The following SBF2 variants were observed in gnomAD, a reference collection of about 807,000 sequenced individuals.
SBF2 encodes the protein SET binding factor 2.
A neutral mutation model predicts 225.2 loss-of-function variants in SBF2; 112 were observed. The observed-to-expected ratio is 0.50, with a 90% CI of 0.43 to 0.58. SBF2 has a LOEUF of 0.58. Among genes scored for constraint, SBF2 ranks in the 20% least tolerant of loss-of-function variants. The pLI is 0.00. For synonymous variants in SBF2, 763 were observed against 773.3 expected (o/e 0.99, Z 0.22); for missense variants, 1,996 against 2,206.2 (o/e 0.90, Z 1.91).
chr11:10,194,709 C>T (rs1333999724), intron 1 of SBF2, among the ~76,000 whole-genome samples: 2 of 152,154 alleles, frequency 1.3e-5, no homozygotes, highest in Non-Finnish European at 2.9e-5. Flanking sequence ...TGGGGTTTCA[C>T]TATGTTGGCC....
In SBF2 at chr11:9,994,193, G is replaced by A. The variant is rs537420042; in HGVS notation, c.976-195C>T. Reference sequence around the variant, plus strand: ...CAAAATATTCAGTTGAAACATGTTCGGCCGGGCGCGGTGGCTCACGCCTGT... The same window carrying A: ...CAAAATATTCAGTTGAAACATGTTCAGCCGGGCGCGGTGGCTCACGCCTGT... On this transcript the variant is annotated intron_variant, in intron 9 of 39. Transcript: ENST00000256190. Among the ~76,000 whole-genome samples, 581 of 152,212 alleles carry A rather than the reference G, an allele frequency of 3.8e-3. 4 individuals carry two copies. The highest frequency in any genetic ancestry group is 5.6e-3 in the South Asian group (27 of 4,818).
At chr11:9,841,463 C>T (rs892393508) in intron 25 of SBF2, among the ~76,000 whole-genome samples, 18 of 151,984 alleles carry the variant, frequency 1.2e-4, no homozygotes, top group African/African-American at 4.1e-4. Flanking sequence ...TTTTCATTGC[C>T]CCAAAGGCAA....
chr11:9,878,010 C>A (rs1316971814), intron 17 of SBF2, among the ~76,000 whole-genome samples: 1 of 152,204 alleles, frequency 6.6e-6, no homozygotes, highest in East Asian at 1.9e-4. Context: ...TACACTCCCA[C>A]CAACAGTGTA....
intron 2 of SBF2, among the ~76,000 whole-genome samples, chr11:10,160,751 C>G (rs1387112804): frequency 6.6e-6 from 1 of 152,192 alleles, no homozygotes; most frequent in African/African-American, 2.4e-5. Flanking sequence ...TCCTGCCACA[C>G]CCCATACCCT....
At chr11:10,297,481 G>A (rs1964559111), upstream of SBF2, among the ~76,000 whole-genome samples, 1 of 152,216 alleles carries the variant, frequency 6.6e-6, no homozygotes, top group Non-Finnish European at 1.5e-5. Context: ...TATTAAAGGT[G>A]AGATGAAGAT....
At chr11:9,785,851 C>CA (rs1417549343) in intron 36 of SBF2, among the ~76,000 whole-genome samples, 2 of 135,758 alleles carry the variant, frequency 1.5e-5, no homozygotes, top group South Asian at 2.5e-4. Context: ...GACACTATCT[C>CA]AAAAAAAATA....
intron 16 of SBF2, among the ~76,000 whole-genome samples, chr11:9,915,300 A>G (rs1344755390): frequency 2.6e-5 from 4 of 152,094 alleles, no homozygotes; most frequent in Non-Finnish European, 5.9e-5. Flanking sequence ...TACAAAAATT[A>G]GCTGGGCGTG....
In SBF2 at chr11:9,790,458, T is replaced by G. The variant is rs796164091; in HGVS notation, c.4698+98A>C. 1.0e-5 allele frequency: 11 copies of G among 1,060,016 alleles called. No homozygotes were observed. The African/African-American group carries it at 1.8e-4, about 17-fold the overall frequency. The allele number at this position is 1,060,016 out of a possible 1,614,324, so 65.7% of individuals were successfully genotyped here. ...CTTTTTGGTATGAAACCTAGTCCAA[T>G]GTTTATAAAAAGCTTAAACTGCTTA... On this transcript the variant is annotated intron_variant, in intron 34 of 39. Coordinates refer to ENST00000256190, the MANE Select transcript of SBF2 (RefSeq NM_030962.4).
chr11:10,086,218 C>A (rs1951559539), intron 2 of SBF2, among the ~76,000 whole-genome samples: 1 of 151,966 alleles, frequency 6.6e-6, no homozygotes, highest in Admixed American at 6.6e-5. Flanking sequence ...CTCGGCCCTG[C>A]CTTTTTTATC....
At chr11:9,916,289 A>G (rs17356237) in intron 16 of SBF2, among the ~76,000 whole-genome samples, 28,293 of 152,168 alleles carry the variant, frequency 0.19, 3,010 homozygotes, top group Non-Finnish European at 0.23. Flanking sequence ...CAAGAAAAAT[A>G]TCCTGAAATG....
intron 15 of SBF2, among the ~76,000 whole-genome samples, 157 bp downstream of exon 15, chr11:9,963,616 A>G (rs980595759): frequency 6.6e-6 from 1 of 152,256 alleles, no homozygotes; most frequent in Admixed American, 6.5e-5. Flanking sequence ...ACAGCTTTAA[A>G]TCTTAGACAC....
intron 3 of SBF2, among the ~76,000 whole-genome samples, chr11:10,035,388 G>A (rs1314742937): frequency 6.6e-6 from 1 of 152,064 alleles, no homozygotes; most frequent in Non-Finnish European, 1.5e-5. Flanking sequence ...CAAAAGCAAT[G>A]GCAACAAAAG....
chr11:10,294,018 G>A lies in SBF2; in HGVS notation c.52C>T (p.Pro18Ser). 7.1e-7 allele frequency: 1 copy of A among 1,401,602 alleles called. No homozygotes were observed. The highest frequency in any genetic ancestry group is 3.1e-5 in the East Asian group (1 of 31,820). The allele number at this position is 1,401,602 out of a possible 1,614,324, so 86.8% of individuals were successfully genotyped here. A position where few individuals can be genotyped will look rare whatever the true frequency, so the allele number is the denominator to read the frequency against. ...CGGTGCCGCCCCACACCCTTACCTG[G>A]CTTCTCGTGGTCATAGCCTACCACG... is the stretch of plus-strand genomic sequence containing the variant. ...FIVVGYDHEKPGSGEGLGKII... is the reference protein window; with the variant it reads ...FIVVGYDHEKSGSGEGLGKII... Residue 18 changes from proline (P) to serine (S), a missense_variant, in exon 1 of 40, where the codon CCA (proline) becomes TCA (serine). Coordinates refer to ENST00000256190, the MANE Select transcript of SBF2 (RefSeq NM_030962.4).
At chr11:10,207,240 C>G (rs896817250) in intron 1 of SBF2, among the ~76,000 whole-genome samples, 2 of 151,910 alleles carry the variant, frequency 1.3e-5, no homozygotes, top group Admixed American at 6.6e-5. Context: ...CTATTTCCCA[C>G]GAAACTACCC....
In SBF2 at chr11:9,842,683, C is replaced by T. The variant is rs150130142; in HGVS notation, c.3198G>A (p.Gly1066=). The T allele has an allele frequency of 3.1e-6, 5 of 1,613,994 alleles. No homozygotes were observed. Among genetic ancestry groups the T allele is most frequent in the Admixed American group, 1.7e-5 (1 of 60,004 alleles). The stretch of plus-strand genomic sequence containing the variant: ...GATTTACTCTTTCTTCCACAATTGT[C>T]CCTGTCTTCTTCTTCAGTAAATATT... ...GRQYLLKKKT[G]TIVEERVNRP... is the part of the protein sequence containing the mutation. Residue 1066 remains glycine, a synonymous_variant, in exon 25 of 40, where the codon GGG becomes GGA. Coordinates refer to ENST00000256190, the MANE Select transcript of SBF2 (RefSeq NM_030962.4).
chr11:10,018,453 T>A (rs1948728653), intron 6 of SBF2, among the ~76,000 whole-genome samples: 1 of 152,182 alleles, frequency 6.6e-6, no homozygotes, highest in Non-Finnish European at 1.5e-5. Flanking sequence ...TATAAAAATA[T>A]TAACCACTAA....
rs774774054 is a variant in SBF2, at chr11:9,839,680, C to T, written c.3273G>A (p.Glu1091=). The part of the protein sequence containing the change: ...DDDVSVSDES[E]LPTSTTLKAS... ...CCTTCAGGGTGGTACTTGTGGGGAGCTCACTCTCATCTGAAACTGTGATGG... is the reference window on the plus strand; with the variant it reads ...CCTTCAGGGTGGTACTTGTGGGGAGTTCACTCTCATCTGAAACTGTGATGG... The change falls in exon 26 of 40, where the codon GAG becomes GAA. Residue 1091 remains glutamate, a synonymous_variant. Coordinates refer to ENST00000256190, the MANE Select transcript of SBF2 (RefSeq NM_030962.4). The T allele has an allele frequency of 1.9e-6, 3 of 1,613,254 alleles. No homozygotes were observed. The highest frequency in any genetic ancestry group is 2.5e-6 in the Non-Finnish European group (3 of 1,179,558).
intron 16 of SBF2, among the ~76,000 whole-genome samples, chr11:9,941,261 G>T (rs983379545): frequency 2.0e-5 from 3 of 152,166 alleles, no homozygotes; most frequent in African/African-American, 7.2e-5. Flanking sequence ...GCTGCAGTAA[G>T]CTATGATTCC....
Position 9,937,757 on chromosome 11 carries a change from G to A in SBF2, c.1860+24200C>T, listed in dbSNP as rs956599011. ...AAAACTGAAATTAATAAGAGAATTC[G>A]GTAAAATGGATAGGTATTAAATAAG... On this transcript the variant is annotated intron_variant, in intron 16 of 39. Coordinates refer to ENST00000256190, the MANE Select transcript of SBF2 (RefSeq NM_030962.4). 2.6e-5 allele frequency among the ~76,000 whole-genome samples: 4 copies of A among 151,738 alleles called. No individual in the cohort carries two copies. In the East Asian group the frequency reaches 7.7e-4, roughly 29 times the overall value.
Sources: allele counts gnomAD v4.1 joint callset (sites outside exome capture counted in the v4.1 genomes callset), GRCh38; gene constraint gnomAD v4.1.1; transcripts MANE v1.5; gene names NCBI Gene and HGNC (gene_info 2026-07-23, HGNC 2026-07-21).